ACTR3C: variants seen among roughly 807,000 people sequenced by gnomAD.
ACTR3C encodes the protein actin related protein 3C, also known as actin-related protein 3C.
Under a neutral mutation model 26.3 loss-of-function variants are expected in ACTR3C, and 18 were observed. The observed-to-expected ratio is 0.68, with a 90% CI of 0.47 to 1.01. The LOEUF is 1.01. ACTR3C is among the 50% of genes least tolerant of loss of function. The pLI, the probability that ACTR3C is intolerant of heterozygous loss-of-function variation, is 0.00. For synonymous variants in ACTR3C, 55 were observed against 94.5 expected (o/e 0.58, Z 2.42); for missense variants, 184 against 250.7 (o/e 0.73, Z 1.80).
intron 6 of ACTR3C, among the ~76,000 whole-genome samples, chr7:150,277,300 C>A (rs1160990362): frequency 6.6e-6 from 1 of 152,124 alleles, no homozygotes; most frequent in Admixed American, 6.6e-5. Context: ...ACAGCAAGAC[C>A]CCATCTCTTA....
the ACTR3C span, among the ~76,000 whole-genome samples, chr7:150,085,255 C>T: frequency 3.3e-5 from 5 of 152,148 alleles, no homozygotes; most frequent in African/African-American, 1.2e-4. Context: ...GAATCCTCAT[C>T]ATATGGCCAG....
the ACTR3C span, among the ~76,000 whole-genome samples, chr7:150,110,430 C>A: frequency 1.2e-3 from 107 of 90,548 alleles, no homozygotes; most frequent in African/African-American, 4.8e-3. Flanking sequence ...AGGCTGGAAG[C>A]AGGTGGGGCT....
the ACTR3C span, among the ~76,000 whole-genome samples, chr7:150,101,324 AT>A: frequency 6.6e-6 from 1 of 151,690 alleles, no homozygotes; most frequent in Middle Eastern, 3.2e-3. Flanking sequence ...AATTCTAGAT[AT>A]CAGGTTTCCA....
chr7:149,942,935 G>A, the ACTR3C span, among the ~76,000 whole-genome samples: 18 of 151,830 alleles, frequency 1.2e-4, no homozygotes, highest in South Asian at 3.3e-3. Context: ...GCTGATCGAC[G>A]AACAAATCAT....
At chr7:150,045,387 C>G in the ACTR3C span, among the ~76,000 whole-genome samples, 1 of 152,188 alleles carries the variant, frequency 6.6e-6, no homozygotes, top group Non-Finnish European at 1.5e-5. Context: ...AACATTCAGC[C>G]TGTGTCATGA....
the ACTR3C span, among the ~76,000 whole-genome samples, chr7:150,063,549 T>C: frequency 5.3e-5 from 8 of 151,558 alleles, 1 homozygote; most frequent in African/African-American, 2.0e-4. Context: ...ACAGTGTACT[T>C]ACTGATTTTA....
chr7:150,109,482 T>C, the ACTR3C span, among the ~76,000 whole-genome samples: 3 of 151,958 alleles, frequency 2.0e-5, no homozygotes, highest in African/African-American at 7.3e-5. Context: ...CTTCAAATGC[T>C]GTGAGCTATC....
chr7:150,159,181 G>GA, the ACTR3C span, among the ~76,000 whole-genome samples: 103,198 of 151,962 alleles, frequency 0.68, 35,783 homozygotes, highest in East Asian at 0.96. Flanking sequence ...AACAAAGCTG[G>GA]AAAAAAATAT....
the ACTR3C span, among the ~76,000 whole-genome samples, chr7:150,163,505 A>T: frequency 1.3e-5 from 2 of 151,638 alleles, no homozygotes; most frequent in Non-Finnish European, 2.9e-5. Flanking sequence ...ATATAAAAGG[A>T]GATTTTACAT....
chr7:150,291,267 C>T lies in ACTR3C; in HGVS notation c.154-1674G>A, dbSNP rs536121975. 2.5e-3 allele frequency among the ~76,000 whole-genome samples: 387 copies of T among 152,278 alleles called. 1 individual carries two copies. Among genetic ancestry groups the T allele is most frequent in the African/African-American group, 8.4e-3 (350 of 41,554 alleles). ...CCAATATGGAGAAACCCCATCTCTA[C>T]TAAAAATACAAATTAGTCAGGCATG... On this transcript the variant is annotated intron_variant, in intron 3 of 7. Transcript: ENST00000683684.
the ACTR3C span, chr7:149,909,800 A>G: frequency 3.4e-6 from 1 of 294,490 alleles, no homozygotes; most frequent in Non-Finnish European, 5.7e-6. Context: ...AAGTCCTAAA[A>G]TAGCAAGCCT....
the ACTR3C span, among the ~76,000 whole-genome samples, chr7:149,888,509 C>G: frequency 1.3e-5 from 2 of 152,252 alleles, no homozygotes; most frequent in Non-Finnish European, 2.9e-5. Flanking sequence ...TCGGTTTCCA[C>G]TTCTCTAATT....
the ACTR3C span, among the ~76,000 whole-genome samples, chr7:149,914,244 A>G: frequency 3.9e-5 from 6 of 151,936 alleles, no homozygotes; most frequent in East Asian, 1.2e-3. Flanking sequence ...TAGGTACTCT[A>G]TGAAAAAAAA....
At chr7:149,985,609 G>A in the ACTR3C span, among the ~76,000 whole-genome samples, 5 of 152,242 alleles carry the variant, frequency 3.3e-5, no homozygotes, top group South Asian at 4.1e-4. Flanking sequence ...TACTGAACAC[G>A]TGCTCTCTGA....
the ACTR3C span, among the ~76,000 whole-genome samples, chr7:150,097,476 G>A: frequency 6.6e-6 from 1 of 151,612 alleles, no homozygotes; most frequent in African/African-American, 2.4e-5. Flanking sequence ...GGTCACCTAT[G>A]TTGATGACAG....
At chr7:150,076,197 A>G in the ACTR3C span, among the ~76,000 whole-genome samples, 2 of 151,260 alleles carry the variant, frequency 1.3e-5, no homozygotes, top group African/African-American at 4.9e-5. Flanking sequence ...AAGTGTTCCA[A>G]TGAGTATTGA....
At chr7:150,198,461 A>G in the ACTR3C span, among the ~76,000 whole-genome samples, 1 of 94,598 alleles carries the variant, frequency 1.1e-5, no homozygotes, top group South Asian at 4.1e-4. Flanking sequence ...CCGGCCGCCC[A>G]TCGTCTGAGA....
the ACTR3C span, among the ~76,000 whole-genome samples, chr7:149,887,294 T>C: frequency 1.3e-5 from 2 of 152,160 alleles, no homozygotes; most frequent in African/African-American, 4.8e-5. Flanking sequence ...GAAGAAGACA[T>C]GTAAAAGACT....
chr7:150,245,147 C>G (rs2129608712), downstream of ACTR3C: 1 of 152,334 alleles, frequency 6.6e-6, no homozygotes, highest in South Asian at 2.1e-4. Flanking sequence ...CAGATTTCCT[C>G]TGTACACATT....
Sources: gnomAD v4.1 joint callset for allele counts (sites outside exome capture counted in the v4.1 genomes callset) on GRCh38, gnomAD v4.1.1 for gene constraint, MANE v1.5 for transcripts, NCBI Gene and HGNC (gene_info 2026-07-23, HGNC 2026-07-21) for gene names.